Variants in ZNF385D observed in about 807,000 individuals in gnomAD.
ZNF385D encodes the protein zinc finger protein 659.
A neutral mutation model predicts 35.8 loss-of-function variants in ZNF385D; 15 were observed. The observed-to-expected ratio is 0.42, with a 90% CI of 0.28 to 0.64. The LOEUF is 0.64. Ranked by LOEUF, ZNF385D falls within the 30% of genes least tolerant of loss-of-function variation. ZNF385D has a pLI of 0.23. For synonymous variants in ZNF385D, 212 were observed against 186.8 expected (o/e 1.13, Z -1.10); for missense variants, 474 against 494.6 (o/e 0.96, Z 0.39).
intron 3 of ZNF385D, among the ~76,000 whole-genome samples, chr3:22,063,442 G>T (rs1401028551): frequency 1.3e-5 from 2 of 152,080 alleles, no homozygotes; most frequent in Non-Finnish European, 2.9e-5. Context: ...AATTTCATCT[G>T]CAAGCAATTT....
intron 2 of ZNF385D, among the ~76,000 whole-genome samples, chr3:22,264,708 C>T (rs138481639): frequency 6.6e-6 from 1 of 151,896 alleles, no homozygotes; most frequent in African/African-American, 2.4e-5. Context: ...GAACTTGGTA[C>T]ACCAATTAGG....
intron 3 of ZNF385D, among the ~76,000 whole-genome samples, chr3:21,822,988 G>A (rs539645089): frequency 1.3e-5 from 2 of 151,992 alleles, no homozygotes; most frequent in Non-Finnish European, 2.9e-5. Flanking sequence ...CTGATGGGGG[G>A]ACAAGAACAA....
chr3:21,798,952 ACT>A (rs1224241899), intron 3 of ZNF385D, among the ~76,000 whole-genome samples: 4 of 152,062 alleles, frequency 2.6e-5, no homozygotes, highest in African/African-American at 9.7e-5. Context: ...GTAAGCAGAC[ACT>A]CTCCATTACC....
At chr3:21,854,263 T>C (rs1164232025) in intron 3 of ZNF385D, among the ~76,000 whole-genome samples, 3 of 151,966 alleles carry the variant, frequency 2.0e-5, no homozygotes, top group Non-Finnish European at 4.4e-5. Context: ...CAATATTTGC[T>C]TTTTAACCAT....
At chr3:22,008,267 T>C (rs1437665770) in intron 3 of ZNF385D, among the ~76,000 whole-genome samples, 1 of 152,048 alleles carries the variant, frequency 6.6e-6, no homozygotes, top group East Asian at 1.9e-4. Context: ...GAAATATGCT[T>C]TTACTGGCTA....
At chr3:22,267,908 G>A (rs1194506422) in intron 2 of ZNF385D, among the ~76,000 whole-genome samples, 2 of 151,824 alleles carry the variant, frequency 1.3e-5, no homozygotes, top group East Asian at 1.9e-4. Flanking sequence ...TCTACTTAAA[G>A]TAAAAAACGA....
chr3:22,322,591 T>C (rs966509575), intron 2 of ZNF385D, among the ~76,000 whole-genome samples: 33 of 152,212 alleles, frequency 2.2e-4, no homozygotes, highest in Admixed American at 2.0e-4. Flanking sequence ...AGTGATATTT[T>C]CAGTTAAGGG....
At chr3:22,108,376 T>TC (rs1462853118) in intron 3 of ZNF385D, among the ~76,000 whole-genome samples, 1 of 152,112 alleles carries the variant, frequency 6.6e-6, no homozygotes, top group Non-Finnish European at 1.5e-5. Flanking sequence ...TTGTTTTTTT[T>TC]TTGCATGATC....
At position 21,419,635 on chromosome 3, in the gene ZNF385D, G is replaced by A. The variant is rs1309193554; in HGVS notation, c.*1579C>T. 1.3e-5 allele frequency: 2 copies of A among 151,994 alleles called. No homozygotes were observed. Among genetic ancestry groups the A allele is most frequent in the Non-Finnish European group, 2.9e-5 (2 of 67,964 alleles). The allele number at this position is 151,994 out of a possible 1,614,324, so 9.4% of individuals were successfully genotyped here. A position where few individuals can be genotyped will look rare whatever the true frequency, so the allele number is the denominator to read the frequency against. On this transcript the variant is annotated 3_prime_UTR_variant, in exon 8 of 8. Transcript: ENST00000281523. ...TTTCAGTGTCATTGCTCTTATTAAT[G>A]CAACAGACTGGCTGCATCAAACCCC...
At chr3:21,902,554 G>T (rs1023960338) in intron 3 of ZNF385D, among the ~76,000 whole-genome samples, 5 of 152,060 alleles carry the variant, frequency 3.3e-5, no homozygotes, top group Non-Finnish European at 7.4e-5. Flanking sequence ...TCATTGAGAC[G>T]ATAAACGAAA....
At chr3:21,875,470 C>T (rs1697915715) in intron 3 of ZNF385D, among the ~76,000 whole-genome samples, 1 of 151,982 alleles carries the variant, frequency 6.6e-6, no homozygotes, top group Non-Finnish European at 1.5e-5. Flanking sequence ...CAGTTTATAC[C>T]TTCTGAAGTC....
At chr3:21,562,641 G>A (rs2062992166) in intron 3 of ZNF385D, among the ~76,000 whole-genome samples, 1 of 152,120 alleles carries the variant, frequency 6.6e-6, no homozygotes, top group Non-Finnish European at 1.5e-5. Flanking sequence ...CTGACAACAT[G>A]GCTCCTGGGA....
chr3:22,012,775 T>C (rs1696657913), intron 3 of ZNF385D, among the ~76,000 whole-genome samples: 1 of 152,144 alleles, frequency 6.6e-6, no homozygotes, highest in African/African-American at 2.4e-5. Context: ...CTCCATAAGC[T>C]GCTTAGCACA....
chr3:22,291,298 A>G lies in ZNF385D; in HGVS notation c.106+81152T>C, dbSNP rs75803911. On this transcript the variant is annotated intron_variant, in intron 2 of 5. Transcript: ENST00000494108. Reference sequence around the variant, plus strand: ...TTAAACATATATATTTATTGGAAGGAAAGATTATAGTGTTGTTCAACATTT... The same window carrying G: ...TTAAACATATATATTTATTGGAAGGGAAGATTATAGTGTTGTTCAACATTT... Among the ~76,000 whole-genome samples the G allele has an allele frequency of 4.2e-3, 639 of 152,300 alleles. 8 individuals are homozygous for G. Among genetic ancestry groups the G allele is most frequent in the East Asian group, 0.033 (173 of 5,176 alleles).
chr3:21,589,796 C>CTT (rs1290594361), intron 2 of ZNF385D, among the ~76,000 whole-genome samples: 1 of 151,870 alleles, frequency 6.6e-6, no homozygotes, highest in Non-Finnish European at 1.5e-5. Flanking sequence ...TTGGATTCTA[C>CTT]TTTTCATCTG....
chr3:21,463,579 G>C (rs925049078), intron 4 of ZNF385D, among the ~76,000 whole-genome samples: 3 of 152,212 alleles, frequency 2.0e-5, no homozygotes, highest in Admixed American at 6.5e-5. Context: ...TTCACATCTG[G>C]CCTTGAAGAC....
chr3:22,352,109 C>T (rs1203198270), intron 2 of ZNF385D, among the ~76,000 whole-genome samples: 2 of 152,134 alleles, frequency 1.3e-5, no homozygotes, highest in Non-Finnish European at 2.9e-5. Flanking sequence ...GTATCACAGA[C>T]TTTCTTCCAC....
chr3:21,733,504 T>C (rs1219993554), intron 1 of ZNF385D, among the ~76,000 whole-genome samples: 2 of 152,222 alleles, frequency 1.3e-5, no homozygotes, highest in Non-Finnish European at 2.9e-5. Context: ...GCCATGTGTC[T>C]GACATTGGTG....
intron 2 of ZNF385D, among the ~76,000 whole-genome samples, chr3:22,247,280 C>G (rs1294471039): frequency 6.6e-6 from 1 of 151,820 alleles, no homozygotes; most frequent in Non-Finnish European, 1.5e-5. Flanking sequence ...AAAAGAAAAA[C>G]TAAAACTATT....
Sources: gnomAD v4.1 joint callset for allele counts (sites outside exome capture counted in the v4.1 genomes callset) on GRCh38, gnomAD v4.1.1 for gene constraint, MANE v1.5 for transcripts, NCBI Gene and HGNC (gene_info 2026-07-23, HGNC 2026-07-21) for gene names.